The following CFHR4 variants were observed in gnomAD, a reference collection of about 807,000 sequenced individuals.
CFHR4 encodes the protein complement factor H related 4, also known as complement factor H-related protein 4.
A neutral mutation model predicts 69.3 loss-of-function variants in CFHR4; 64 were observed. The observed-to-expected ratio is 0.92, with a 90% confidence interval of 0.76 to 1.14. The LOEUF is 1.14. CFHR4 is among the 50% of genes most tolerant of loss of function. The pLI is 0.00. For synonymous variants in CFHR4, 244 were observed against 237.0 expected, an observed-to-expected ratio of 1.03 and a Z score of -0.27; for missense variants, 636 against 684.9, an observed-to-expected ratio of 0.93 and a Z score of 0.80.
chr1:196,915,548 T>C (rs1288699435), intron 9 of CFHR4, among the ~76,000 whole-genome samples: 9 of 151,360 alleles, frequency 5.9e-5, no homozygotes. Context: ...GGCAGGAGAA[T>C]CATCTGAACC....
At chr1:196,910,978 C>T (rs1426401756) in intron 6 of CFHR4, among the ~76,000 whole-genome samples, 1 of 151,330 alleles carries the variant, frequency 6.6e-6, no homozygotes, top group Non-Finnish European at 1.5e-5. Flanking sequence ...TTTACAGAGT[C>T]AATCTGTAAA....
At chr1:196,895,907 G>A (rs942922465) in intron 1 of CFHR4, among the ~76,000 whole-genome samples, 1 of 151,476 alleles carries the variant, frequency 6.6e-6, no homozygotes, top group Non-Finnish European at 1.5e-5. Context: ...TGTTTGTTGA[G>A]GGGCTTCCTG....
chr1:196,917,691 T>G (rs1158799922), intron 9 of CFHR4, among the ~76,000 whole-genome samples: 15 of 151,638 alleles, frequency 9.9e-5, no homozygotes, highest in South Asian at 8.3e-4. Flanking sequence ...TATGTATATA[T>G]AGAGAGTTTT....
At chr1:196,907,825 T>C (rs1657999089) in intron 5 of CFHR4, among the ~76,000 whole-genome samples, 1 of 151,348 alleles carries the variant, frequency 6.6e-6, no homozygotes. Context: ...CATTTTCACA[T>C]TATTAATACT....
intron 6 of CFHR4, 21 bp downstream of exon 6, chr1:196,910,499 C>T (rs1056541773): frequency 1.3e-6 from 2 of 1,579,108 alleles, no homozygotes; most frequent in Non-Finnish European, 1.7e-6. Context: ...CTCTTTACAA[C>T]AATATGTGCA....
chr1:196,888,097 C>A lies in CFHR4; in HGVS notation c.-54C>A, dbSNP rs1263324202. 2 of 1,567,670 alleles carry A rather than the reference C, an allele frequency of 1.3e-6. No homozygotes were observed. Among genetic ancestry groups the A allele is most frequent in the African/African-American group, 1.4e-5 (1 of 72,142 alleles). On this transcript the variant is annotated 5_prime_UTR_variant, in exon 1 of 10. Coordinates refer to ENST00000608469, the MANE Select transcript of CFHR4 (RefSeq NM_001201550.3). ...TAACTAATAATGAAAGATTTCAAAC[C>A]CCAAACAGTGCAACTGAAACTTTTG...
intron 3 of CFHR4, 42 bp from the exon 4 acceptor site, chr1:196,906,819 A>T: frequency 6.3e-7 from 1 of 1,580,234 alleles, no homozygotes; most frequent in South Asian, 1.2e-5. Flanking sequence ...GTTGTACATC[A>T]TATGGCATAG....
Position 196,914,647 on chromosome 1 carries a change from T to A in CFHR4, c.1333T>A (p.Trp445Arg), listed in dbSNP as rs779714406. The change falls in exon 8 of 10, where the codon TGG becomes AGG. Residue 445 changes from tryptophan to arginine, a missense_variant. By Grantham distance (101) the Trp-to-Arg change is moderately radical. This residue lies in a region of CFHR4 where 529 missense variants were observed against 533.2 expected (regional missense o/e 0.99). Coordinates refer to ENST00000608469, the MANE Select transcript of CFHR4 (RefSeq NM_001201550.3). ...TGSIVCGEDGWSHFPTCYNSS... is the reference protein window; with the variant it reads ...TGSIVCGEDGRSHFPTCYNSS... ...TTCCATAGTGTGTGGTGAAGATGGG[T>A]GGTCCCATTTCCCAACATGTTATAG... is the stretch of plus-strand genomic sequence containing the variant. The A allele has an allele frequency of 2.5e-5, 40 of 1,604,506 alleles. 2 individuals carry two copies. Among genetic ancestry groups the A allele is most frequent in the Admixed American group, 5.1e-5 (3 of 58,372 alleles).
chr1:196,907,269 C>T, intron 4 of CFHR4, 47 bp from the exon 5 acceptor site: 3 of 1,500,672 alleles, frequency 2.0e-6, no homozygotes, highest in Non-Finnish European at 2.8e-6. Context: ...CAGAAAGTTT[C>T]CAATAAAACT....
chr1:196,912,523 C>T (rs1368880313), intron 6 of CFHR4, among the ~76,000 whole-genome samples: 1 of 151,234 alleles, frequency 6.6e-6, no homozygotes, highest in Non-Finnish European at 1.5e-5. Flanking sequence ...GGATTCTTTG[C>T]TTTTATTCTG....
chr1:196,897,775 G>C (rs1046929781), intron 1 of CFHR4, among the ~76,000 whole-genome samples: 1 of 151,318 alleles, frequency 6.6e-6, no homozygotes, highest in African/African-American at 2.4e-5. Context: ...GTTTATATGG[G>C]GGCTGGATGA....
chr1:196,901,356 T>A (rs1042392671), intron 1 of CFHR4, among the ~76,000 whole-genome samples: 3 of 151,242 alleles, frequency 2.0e-5, no homozygotes, highest in African/African-American at 7.3e-5. Context: ...TGAAGATACT[T>A]AAGAGATGCA....
rs1171579533 is a variant in CFHR4, at chr1:196,888,170, T to A, written c.20T>A (p.Val7Asp). 6.2e-7 allele frequency: 1 copy of A among 1,611,186 alleles called. No individual in the cohort carries two copies. The highest frequency in any genetic ancestry group is 1.7e-5 in the Admixed American group (1 of 59,754). ...TCTAACATGTTGTTACTAATCAATG[T>A]CATTCTGACCTTGTGGGTTTCCTGT... Reference protein sequence around the residue: MLLLINVILTLWVSCAN... With the variant: MLLLINDILTLWVSCAN... Residue 7 changes from valine (V) to aspartate (D), a missense_variant, in exon 1 of 10, where the codon GTC (valine) becomes GAC (aspartate). Physicochemically the swap from Val to Asp is radical, Grantham distance 152 (BLOSUM62 -3). Coordinates refer to ENST00000608469, the MANE Select transcript of CFHR4 (RefSeq NM_001201550.3).
At chr1:196,901,000 T>C (rs1376078445) in intron 1 of CFHR4, among the ~76,000 whole-genome samples, 2 of 151,508 alleles carry the variant, frequency 1.3e-5, no homozygotes, top group Non-Finnish European at 2.9e-5. Context: ...TAGAAACCGG[T>C]TGAAAAATTT....
rs116119247 is a variant in CFHR4, at chr1:196,907,398, G to T, written c.699G>T (p.Trp233Cys). 6.2e-7 allele frequency: 1 copy of T among 1,611,958 alleles called. No homozygotes were observed. Among genetic ancestry groups the T allele is most frequent in the Non-Finnish European group, 8.5e-7 (1 of 1,179,038 alleles). ...TCCCGCAAAAAGTGTATCTGCCATG[G>T]TCAAGAGTCGAGTACCAGTGCCAGT... is the stretch of plus-strand genomic sequence containing the variant. Reference protein sequence around the residue: ...TSFPQKVYLPWSRVEYQCQSY... With the variant: ...TSFPQKVYLPCSRVEYQCQSY... The change falls in exon 5 of 10, where the codon TGG (tryptophan) becomes TGT (cysteine). Residue 233 changes from tryptophan to cysteine, a missense_variant. Around this residue, in one of 3 missense-constraint regions of CFHR4, gnomAD observed 529 missense variants for 533.2 expected, o/e 0.99. Coordinates refer to ENST00000608469, the MANE Select transcript of CFHR4 (RefSeq NM_001201550.3).
intron 9 of CFHR4, among the ~76,000 whole-genome samples, chr1:196,916,032 G>A (rs932809792): frequency 1.3e-5 from 2 of 151,308 alleles, no homozygotes; most frequent in African/African-American, 2.4e-5. Context: ...AGAAATTAAC[G>A]AAACTTCAGC....
At chr1:196,888,791 T>C (rs1303015288) in intron 1 of CFHR4, among the ~76,000 whole-genome samples, 1 of 151,450 alleles carries the variant, frequency 6.6e-6, no homozygotes, top group Admixed American at 6.6e-5. Context: ...GCAGAATATA[T>C]ACTTAACTTA....
At chr1:196,897,962 C>G (rs1482624653) in intron 1 of CFHR4, among the ~76,000 whole-genome samples, 1 of 151,344 alleles carries the variant, frequency 6.6e-6, no homozygotes, top group African/African-American at 2.4e-5. Context: ...TATGTGTACT[C>G]AAGGAGAAAA....
At chr1:196,896,506 C>T (rs1657303809) in intron 1 of CFHR4, among the ~76,000 whole-genome samples, 1 of 151,534 alleles carries the variant, frequency 6.6e-6, no homozygotes, top group African/African-American at 2.4e-5. Flanking sequence ...GATCAAAGAA[C>T]CCAGCAATCA....
Sources: allele counts gnomAD v4.1 joint callset (sites outside exome capture counted in the v4.1 genomes callset), GRCh38; gene constraint gnomAD v4.1.1; regional missense constraint gnomAD v4.1.1; transcripts MANE v1.5; gene names NCBI Gene and HGNC (gene_info 2026-07-23, HGNC 2026-07-21).